MACROH2A2: variants seen among roughly 807,000 people sequenced by gnomAD.
MACROH2A2 encodes the protein macroH2A.2 histone.
Under a neutral mutation model 37.6 loss-of-function variants are expected in MACROH2A2, and 6 were observed. The ratio of observed to expected loss-of-function variants is 0.16; its 90% CI spans 0.09 to 0.32. The LOEUF is 0.32. Ranked by LOEUF, MACROH2A2 falls within the 10% of genes least tolerant of loss-of-function variation. The pLI is 1.00. For synonymous variants in MACROH2A2, 192 were observed against 202.7 expected, an observed-to-expected ratio of 0.95 and a Z score of 0.45; for missense variants, 290 against 485.9, an observed-to-expected ratio of 0.60 and a Z score of 3.79.
chr10:70,055,701 A>C (rs1272830622), intron 1 of MACROH2A2, among the ~76,000 whole-genome samples: 2 of 152,214 alleles, frequency 1.3e-5, no homozygotes, highest in Non-Finnish European at 2.9e-5. Context: ...CTGGTGTGTA[A>C]ATTGATATAA....
intron 1 of MACROH2A2, among the ~76,000 whole-genome samples, chr10:70,056,268 T>C (rs1463623113): frequency 3.3e-5 from 5 of 152,194 alleles, no homozygotes; most frequent in Non-Finnish European, 5.9e-5. Flanking sequence ...TTTTGTTTTG[T>C]TGAGATGGAG....
chr10:70,108,894 A>G (rs868278566), intron 7 of MACROH2A2, 139 bp from the exon 8 acceptor site: 1 of 740,252 alleles, frequency 1.4e-6, no homozygotes, highest in Non-Finnish European at 2.4e-6. Context: ...CATAGTCCAC[A>G]TCAGGAGCAC....
intron 7 of MACROH2A2, among the ~76,000 whole-genome samples, chr10:70,102,811 C>T (rs1418759779): frequency 6.6e-6 from 1 of 152,178 alleles, no homozygotes; most frequent in African/African-American, 2.4e-5. Context: ...ACCCACTACT[C>T]CCCACAGGCA....
At chr10:70,108,845 T>TG (rs3215253) in intron 7 of MACROH2A2, among the ~76,000 whole-genome samples, 188 bp from the exon 8 acceptor site, 12,811 of 152,232 alleles carry the variant, frequency 0.084, 669 homozygotes, top group East Asian at 0.23. Flanking sequence ...TTGTGCTAAC[T>TG]GTGCAAAGCA....
chr10:70,088,210 C>G (rs531593972), intron 2 of MACROH2A2, among the ~76,000 whole-genome samples: 7 of 151,244 alleles, frequency 4.6e-5, no homozygotes, highest in Non-Finnish European at 5.9e-5. Context: ...CACACACACA[C>G]AGTACATTCA....
chr10:70,094,299 C>T (rs1268570423), intron 5 of MACROH2A2, among the ~76,000 whole-genome samples: 1 of 152,120 alleles, frequency 6.6e-6, no homozygotes, highest in Non-Finnish European at 1.5e-5. Flanking sequence ...AATTATTTGC[C>T]AATAATTCAG....
intron 2 of MACROH2A2, among the ~76,000 whole-genome samples, chr10:70,078,659 C>A (rs2072155074): frequency 1.3e-5 from 2 of 152,298 alleles, no homozygotes; most frequent in South Asian, 4.1e-4. Context: ...GCTAATTCTT[C>A]TCCTCCCCCC....
rs139516052 is a variant in MACROH2A2 at position 70,075,752 on chromosome 10, C to A, written c.94C>A (p.Leu32Met). ...TCCAGTGGGGAGGCTGATGCGTTAT[C>A]TGAAGAAAGGGACGTTCAAGTACCG... The part of the protein sequence containing the change: ...IFPVGRLMRY[L>M]KKGTFKYRIS... The change falls in exon 2 of 9, where the codon CTG becomes ATG. Residue 32 changes from leucine to methionine, a missense_variant. By Grantham distance (15) the Leu-to-Met change is conservative. This residue lies in a region of MACROH2A2 where 83 missense variants were observed against 159.9 expected (regional missense o/e 0.52). Transcript: ENST00000373255. The surrounding 1 kb of genome is among the most constrained non-coding windows in gnomAD (Gnocchi z 5.0). The A allele has an allele frequency of 4.3e-5, 70 of 1,614,098 alleles. 1 individual carries two copies. In the African/African-American group the frequency reaches 6.8e-4, roughly 16 times the overall value.
chr10:70,108,928 C>T, intron 7 of MACROH2A2, 105 bp from the exon 8 acceptor site: 2 of 1,006,588 alleles, frequency 2.0e-6, no homozygotes, highest in Non-Finnish European at 3.1e-6. Context: ...GCCAACGTCT[C>T]TATCACTGCC....
intron 2 of MACROH2A2, among the ~76,000 whole-genome samples, chr10:70,082,726 G>A (rs1183801127): frequency 6.6e-6 from 1 of 152,174 alleles, no homozygotes; most frequent in Non-Finnish European, 1.5e-5. Flanking sequence ...CCATTTATAT[G>A]AGATACCCAG....
chr10:70,054,052 G>A (rs568156637), intron 1 of MACROH2A2, among the ~76,000 whole-genome samples: 3 of 152,090 alleles, frequency 2.0e-5, no homozygotes, highest in African/African-American at 7.2e-5. Flanking sequence ...CCTTTCCTTG[G>A]GGGGGCGCCC....
chr10:70,084,365 AAG>A (rs2072198447), intron 2 of MACROH2A2, among the ~76,000 whole-genome samples: 1 of 152,224 alleles, frequency 6.6e-6, no homozygotes, highest in African/African-American at 2.4e-5. Flanking sequence ...GATGGTAGTA[AAG>A]AGTTTTGTTC....
intron 1 of MACROH2A2, among the ~76,000 whole-genome samples, chr10:70,066,281 T>G (rs2072078995): frequency 6.6e-6 from 1 of 152,122 alleles, no homozygotes; most frequent in African/African-American, 2.4e-5. Flanking sequence ...TGAGCCGTGA[T>G]TATACCACTG....
intron 1 of MACROH2A2, among the ~76,000 whole-genome samples, chr10:70,056,823 A>G (rs912476352): frequency 5.3e-5 from 8 of 152,206 alleles, no homozygotes; most frequent in African/African-American, 1.9e-4. Context: ...GAACTAAAAG[A>G]ACCCTCACAA....
chr10:70,083,769 C>T (rs1044116387), intron 2 of MACROH2A2, among the ~76,000 whole-genome samples: 3 of 148,894 alleles, frequency 2.0e-5, no homozygotes, highest in East Asian at 3.9e-4. Flanking sequence ...AGTGCATGCT[C>T]AGCTGCTCAT....
intron 8 of MACROH2A2, among the ~76,000 whole-genome samples, chr10:70,109,466 T>C (rs567902379): frequency 6.6e-6 from 1 of 152,344 alleles, no homozygotes; most frequent in African/African-American, 2.4e-5. Flanking sequence ...GGAGGAAGGC[T>C]AGCCCAGGGG....
At chr10:70,076,591 T>C (rs2136625928) in intron 2 of MACROH2A2, among the ~76,000 whole-genome samples, 1 of 152,232 alleles carries the variant, frequency 6.6e-6, no homozygotes, top group East Asian at 1.9e-4. Context: ...TATATAAATA[T>C]ATATGTACAA....
intron 5 of MACROH2A2, among the ~76,000 whole-genome samples, chr10:70,095,222 G>A (rs2072267729): frequency 6.6e-6 from 1 of 152,124 alleles, no homozygotes; most frequent in South Asian, 2.1e-4. Context: ...CAAAAAATTA[G>A]CTGGGCATGG....
Position 70,090,254 on chromosome 10 carries a change from T to C in MACROH2A2, c.279+88T>C, listed in dbSNP as rs968597827. 1.2e-4 allele frequency: 99 copies of C among 806,650 alleles called. No homozygotes were observed. In the Admixed American group the frequency reaches 2.0e-3, roughly 16 times the overall value. The allele number at this position is 806,650 out of a possible 1,614,324, so 50.0% of individuals were successfully genotyped here. A position where few individuals can be genotyped will look rare whatever the true frequency, so the allele number is the denominator to read the frequency against. On this transcript the variant is annotated intron_variant, in intron 3 of 8. Coordinates refer to ENST00000373255, the MANE Select transcript of MACROH2A2 (RefSeq NM_018649.3). Reference sequence around the variant, plus strand: ...CTGGCTGGCCATGAGTCACTCCTGCTACAGTTCCCAATTACATTTATACAA... The same window carrying C: ...CTGGCTGGCCATGAGTCACTCCTGCCACAGTTCCCAATTACATTTATACAA...
Sources: allele counts gnomAD v4.1 joint callset (sites outside exome capture counted in the v4.1 genomes callset), GRCh38; gene constraint gnomAD v4.1.1; regional missense constraint gnomAD v4.1.1; non-coding constraint Gnocchi (gnomAD v3.1); transcripts MANE v1.5; gene names NCBI Gene and HGNC (gene_info 2026-07-23, HGNC 2026-07-21).